Variants in LRMDA observed in about 807,000 individuals in gnomAD.
The protein encoded by LRMDA is leucine rich melanocyte differentiation associated.
LRMDA carries 18 observed loss-of-function variants against 29.8 expected under a neutral mutation model. The ratio of observed to expected loss-of-function variants is 0.60; its 90% CI spans 0.42 to 0.90. LRMDA has a LOEUF of 0.90. Among genes scored for constraint, LRMDA ranks in the 40% least tolerant of loss-of-function variants. The pLI, the probability that LRMDA is intolerant of heterozygous loss-of-function variation, is 0.00. For synonymous variants in LRMDA, 125 were observed against 109.4 expected, an observed-to-expected ratio of 1.14 and a Z score of -0.89; for missense variants, 273 against 273.9, an observed-to-expected ratio of 1.00 and a Z score of 0.02.
At chr10:75,531,037 C>T (rs1845471395) in intron 2 of LRMDA, among the ~76,000 whole-genome samples, 1 of 152,200 alleles carries the variant, frequency 6.6e-6, no homozygotes, top group Non-Finnish European at 1.5e-5. Context: ...TCACATTTCA[C>T]ATCTGGGAAG....
chr10:76,502,447 G>C (rs1842919733), intron 6 of LRMDA, among the ~76,000 whole-genome samples: 1 of 151,858 alleles, frequency 6.6e-6, no homozygotes, highest in Non-Finnish European at 1.5e-5. Flanking sequence ...AAATTTCTTT[G>C]GGCAGTATGG....
intron 2 of LRMDA, among the ~76,000 whole-genome samples, chr10:75,819,631 T>A (rs926683977): frequency 3.3e-5 from 5 of 152,152 alleles, no homozygotes; most frequent in Non-Finnish European, 7.4e-5. Context: ...ATTTGGTGAT[T>A]GGCAGGTCAT....
intron 2 of LRMDA, among the ~76,000 whole-genome samples, chr10:75,798,218 A>G (rs987447830): frequency 2.1e-4 from 32 of 152,186 alleles, no homozygotes; most frequent in African/African-American, 7.2e-4. Context: ...TAATTCCTTT[A>G]TAAAGTACAG....
intron 5 of LRMDA, among the ~76,000 whole-genome samples, chr10:76,225,004 G>C (rs1851924917): frequency 6.6e-6 from 1 of 151,958 alleles, no homozygotes; most frequent in African/African-American, 2.4e-5. Flanking sequence ...TAAAGTCCCA[G>C]CTAGTATGTC....
chr10:75,728,160 G>A (rs535729548), intron 2 of LRMDA, among the ~76,000 whole-genome samples: 27 of 152,290 alleles, frequency 1.8e-4, no homozygotes, highest in African/African-American at 6.5e-4. Flanking sequence ...AGTGAAATGG[G>A]TATAGAAATG....
chr10:76,507,477 C>T (rs1396954614), intron 6 of LRMDA, among the ~76,000 whole-genome samples: 1 of 151,884 alleles, frequency 6.6e-6, no homozygotes, highest in Admixed American at 6.6e-5. Flanking sequence ...GTCTCTGAGT[C>T]TTCTTATCCT....
chr10:75,515,797 A>C (rs4633399), intron 2 of LRMDA, among the ~76,000 whole-genome samples: 139,281 of 152,122 alleles, frequency 0.92, 64,018 homozygotes, highest in African/African-American at 0.98. Context: ...TGGTTTGCTG[A>C]ATCTATCACC....
chr10:76,308,210 T>G (rs1840582795), intron 5 of LRMDA, among the ~76,000 whole-genome samples: 1 of 152,182 alleles, frequency 6.6e-6, no homozygotes, highest in African/African-American at 2.4e-5. Flanking sequence ...TGAACATCAA[T>G]TTTCAATGGT....
At chr10:75,492,174 C>T (rs1844996392) in intron 2 of LRMDA, among the ~76,000 whole-genome samples, 1 of 152,232 alleles carries the variant, frequency 6.6e-6, no homozygotes, top group South Asian at 2.1e-4. Context: ...ACCATGGTGC[C>T]TTGGCTTTGC....
At chr10:75,961,328 A>G (rs1846762517) in intron 2 of LRMDA, among the ~76,000 whole-genome samples, 1 of 152,252 alleles carries the variant, frequency 6.6e-6, no homozygotes, top group African/African-American at 2.4e-5. Context: ...TTCCTAATGA[A>G]AAGTACTTTA....
intron 2 of LRMDA, among the ~76,000 whole-genome samples, chr10:75,563,879 G>A (rs1011036445): frequency 6.6e-6 from 1 of 151,572 alleles, no homozygotes; most frequent in African/African-American, 2.4e-5. Context: ...CTGTCTGATC[G>A]TTCCTCTGGA....
rs67966004 is a variant in LRMDA, at chr10:75,590,726, C to CTTTT, written c.131+152271_131+152274dup. 1.5e-3 allele frequency among the ~76,000 whole-genome samples: 108 copies of CTTTT among 71,382 alleles called. 2 individuals carry two copies. Among genetic ancestry groups the CTTTT allele is most frequent in the Admixed American group, 2.1e-3 (10 of 4,730 alleles). 46.8% of individuals were successfully genotyped at this position (71,382 alleles called of 152,430 possible). ...CTCCTAACTCTCACAATAAAATAGTCTTTTTTTTTTTTTTTTTTTTTTTTT... is the reference window on the plus strand; with the variant it reads ...CTCCTAACTCTCACAATAAAATAGTCTTTTTTTTTTTTTTTTTTTTTTTTTTTTT... On this transcript the variant is annotated intron_variant, in intron 2 of 6. Transcript: ENST00000611255.
At chr10:76,268,677 A>C (rs1347101825) in intron 5 of LRMDA, among the ~76,000 whole-genome samples, 3 of 152,242 alleles carry the variant, frequency 2.0e-5, no homozygotes, top group Non-Finnish European at 2.9e-5. Context: ...CAGAACCTTG[A>C]GAATGAGCTC....
chr10:75,849,059 C>T (rs1410625403), intron 2 of LRMDA, among the ~76,000 whole-genome samples: 2 of 152,152 alleles, frequency 1.3e-5, no homozygotes, highest in Non-Finnish European at 2.9e-5. Flanking sequence ...GCTTCTCTGG[C>T]ATGGGCTGAT....
chr10:75,472,084 C>T (rs1010554307), intron 2 of LRMDA, among the ~76,000 whole-genome samples: 1 of 152,158 alleles, frequency 6.6e-6, no homozygotes, highest in African/African-American at 2.4e-5. Context: ...AATCCATTCT[C>T]TATGCTTAAA....
intron 2 of LRMDA, among the ~76,000 whole-genome samples, chr10:75,884,661 A>G (rs973727316): frequency 1.3e-5 from 2 of 152,236 alleles, no homozygotes; most frequent in African/African-American, 2.4e-5. Context: ...TGGCTGTTTA[A>G]AGAAGCAATG....
At chr10:75,607,902 A>T (rs1554815636) in intron 2 of LRMDA, among the ~76,000 whole-genome samples, 1 of 131,512 alleles carries the variant, frequency 7.6e-6, no homozygotes, top group Non-Finnish European at 1.5e-5. Context: ...TCTGTTAGGT[A>T]TCCAAACATG....
intron 5 of LRMDA, among the ~76,000 whole-genome samples, chr10:76,068,029 G>A (rs951729607): frequency 1.3e-5 from 2 of 152,218 alleles, no homozygotes; most frequent in African/African-American, 4.8e-5. Flanking sequence ...CAGATGCCAG[G>A]CCACTAGAGA....
At chr10:76,454,785 G>A (rs1026443111) in intron 6 of LRMDA, among the ~76,000 whole-genome samples, 2 of 152,172 alleles carry the variant, frequency 1.3e-5, no homozygotes, top group Admixed American at 1.3e-4. Context: ...CTCATATGCT[G>A]AGAAGGACAA....
Sources: allele counts gnomAD v4.1 joint callset (sites outside exome capture counted in the v4.1 genomes callset), GRCh38; gene constraint gnomAD v4.1.1; transcripts MANE v1.5; gene names NCBI Gene and HGNC (gene_info 2026-07-23, HGNC 2026-07-21).